RTN1: variants seen among roughly 807,000 people sequenced by gnomAD.
RTN1 encodes reticulon 1, also known as reticulon-1.
Under a neutral mutation model 65.5 loss-of-function variants are expected in RTN1, and 25 were observed. That is an observed-to-expected ratio of 0.38 (90% CI 0.28 to 0.53). RTN1 has a LOEUF of 0.53. Among genes scored for constraint, RTN1 ranks in the 20% least tolerant of loss-of-function variants. The pLI is 0.79. For synonymous variants in RTN1, 471 were observed against 447.6 expected (o/e 1.05, Z -0.66); for missense variants, 983 against 1,025.4 (o/e 0.96, Z 0.57).
intron 3 of RTN1, among the ~76,000 whole-genome samples, chr14:59,609,039 C>T (rs376578412): frequency 1.3e-5 from 2 of 152,052 alleles, no homozygotes; most frequent in Non-Finnish European, 2.9e-5. Context: ...AATCTCAGCA[C>T]TTTGGGAGGC....
At chr14:59,822,241 G>T (rs143091766) in intron 1 of RTN1, among the ~76,000 whole-genome samples, 1 of 152,126 alleles carries the variant, frequency 6.6e-6, no homozygotes, top group Non-Finnish European at 1.5e-5. Flanking sequence ...AGTCTTGGGA[G>T]GTTGTATGTT....
chr14:59,717,370 T>C (rs1884558609), intron 3 of RTN1, among the ~76,000 whole-genome samples: 2 of 152,178 alleles, frequency 1.3e-5, no homozygotes, highest in South Asian at 2.1e-4. Flanking sequence ...TTACTATTAG[T>C]GGTAGTGAAA....
intron 1 of RTN1, among the ~76,000 whole-genome samples, chr14:59,762,450 A>G (rs1885768881): frequency 6.6e-6 from 1 of 152,184 alleles, no homozygotes; most frequent in Admixed American, 6.5e-5. Flanking sequence ...TGATGAGGAA[A>G]CTGAAGCTTA....
chr14:59,848,195 A>G (rs1451370232), intron 1 of RTN1, among the ~76,000 whole-genome samples: 1 of 152,210 alleles, frequency 6.6e-6, no homozygotes, highest in East Asian at 1.9e-4. Context: ...CTAACTTGTA[A>G]TGGTCACCAC....
In RTN1 at chr14:59,605,285, T is replaced by C. The variant is rs1566657671; in HGVS notation, c.2112+83A>G. The C allele has an allele frequency of 2.8e-6, 4 of 1,435,914 alleles. No homozygotes were observed. In the Admixed American group the frequency reaches 6.7e-5, roughly 24 times the overall value. 88.9% of individuals were successfully genotyped at this position (1,435,914 alleles called of 1,614,324 possible). On this transcript the variant is annotated intron_variant, in intron 5 of 8. Transcript: ENST00000267484. Reference sequence around the variant, plus strand: ...ATAATTAGCACTTGCTTTTTATTCTTCTTGATGTAGCAGTTTACAGTATTA... The same window carrying C: ...ATAATTAGCACTTGCTTTTTATTCTCCTTGATGTAGCAGTTTACAGTATTA...
chr14:59,835,697 CT>C (rs1388048297), intron 1 of RTN1, among the ~76,000 whole-genome samples: 2 of 152,160 alleles, frequency 1.3e-5, no homozygotes, highest in Non-Finnish European at 2.9e-5. Context: ...GTTCTACCCC[CT>C]GAACCAACCA....
chr14:59,858,479 T>C (rs1329209494), intron 1 of RTN1, among the ~76,000 whole-genome samples: 2 of 152,060 alleles, frequency 1.3e-5, no homozygotes, highest in Non-Finnish European at 2.9e-5. Flanking sequence ...GTAGTTTTTT[T>C]TTTTTTTAGA....
chr14:59,724,753 G>C (rs761219262), intron 3 of RTN1, among the ~76,000 whole-genome samples: 1 of 151,490 alleles, frequency 6.6e-6, no homozygotes, highest in Non-Finnish European at 1.5e-5. Flanking sequence ...CCTGGGGAAG[G>C]CTGGGCAGCG....
chr14:59,838,367 G>A (rs1450143322), intron 1 of RTN1, among the ~76,000 whole-genome samples: 2 of 152,106 alleles, frequency 1.3e-5, no homozygotes, highest in Non-Finnish European at 2.9e-5. Context: ...CCACTTCCAG[G>A]AATTCACAGG....
At chr14:59,751,093 C>T (rs1313442054) in intron 1 of RTN1, among the ~76,000 whole-genome samples, 1 of 151,722 alleles carries the variant, frequency 6.6e-6, no homozygotes, top group Non-Finnish European at 1.5e-5. Flanking sequence ...AGAAGATTCC[C>T]CCAAATTGCT....
intron 1 of RTN1, among the ~76,000 whole-genome samples, chr14:59,800,270 C>T (rs1378517184): frequency 6.6e-6 from 1 of 152,190 alleles, no homozygotes; most frequent in East Asian, 1.9e-4. Flanking sequence ...ACCCTAACAG[C>T]CTTACATAAG....
At chr14:59,749,158 ATCTATC>A (rs1885304223) in intron 1 of RTN1, among the ~76,000 whole-genome samples, 3 of 75,292 alleles carry the variant, frequency 4.0e-5, no homozygotes, top group African/African-American at 1.5e-4. Context: ...ATCTATCTAT[ATCTATC>A]TATATATCTA....
intron 3 of RTN1, among the ~76,000 whole-genome samples, chr14:59,673,231 C>T (rs1883548724): frequency 1.3e-5 from 2 of 152,126 alleles, no homozygotes; most frequent in Non-Finnish European, 2.9e-5. Flanking sequence ...AAGGTCTGAG[C>T]CCCCAAGAAA....
chr14:59,607,570 C>T (rs955332426), intron 3 of RTN1, 78 bp from the exon 4 acceptor site: 1 of 1,231,654 alleles, frequency 8.1e-7, no homozygotes, highest in African/African-American at 1.5e-5. Flanking sequence ...CTCCACCAAG[C>T]TGTGGTTGCT....
At chr14:59,759,158 G>A (rs1885699320) in intron 1 of RTN1, among the ~76,000 whole-genome samples, 1 of 152,310 alleles carries the variant, frequency 6.6e-6, no homozygotes, top group East Asian at 1.9e-4. Context: ...GATTGGAAGA[G>A]TTTCTTTAGG....
chr14:59,850,423 AAGAC>A (rs1379202978), intron 1 of RTN1, among the ~76,000 whole-genome samples: 2 of 152,230 alleles, frequency 1.3e-5, no homozygotes, highest in African/African-American at 4.8e-5. Context: ...CTGAAAGTGA[AAGAC>A]AGAATGGTTG....
At chr14:59,618,982 C>T (rs1472443044) in intron 3 of RTN1, among the ~76,000 whole-genome samples, 1 of 152,114 alleles carries the variant, frequency 6.6e-6, no homozygotes. Context: ...GTCTCGATGC[C>T]AACACATCTT....
At chr14:59,641,520 C>G (rs1375515915) in intron 3 of RTN1, among the ~76,000 whole-genome samples, 1 of 152,084 alleles carries the variant, frequency 6.6e-6, no homozygotes, top group Non-Finnish European at 1.5e-5. Flanking sequence ...CAGGTGCATA[C>G]TACCACACAC....
chr14:59,600,010 T>G (rs1282033904), intron 8 of RTN1, among the ~76,000 whole-genome samples: 1 of 152,252 alleles, frequency 6.6e-6, no homozygotes, highest in East Asian at 1.9e-4. Context: ...TACTCGAAGC[T>G]TTAATTTCCT....
Sources: gnomAD v4.1 joint callset for allele counts (sites outside exome capture counted in the v4.1 genomes callset) on GRCh38, gnomAD v4.1.1 for gene constraint, MANE v1.5 for transcripts, NCBI Gene and HGNC (gene_info 2026-07-23, HGNC 2026-07-21) for gene names.